Variants in PPP1R3F observed in about 807,000 individuals in gnomAD.
The protein encoded by PPP1R3F is protein phosphatase 1 regulatory subunit 3F.
PPP1R3F carries 29 observed loss-of-function variants against 24.2 expected under a neutral mutation model. The ratio of observed to expected loss-of-function variants is 1.20; its 90% CI spans 0.89 to 1.63. The LOEUF (loss-of-function observed/expected upper bound fraction) is 1.63. PPP1R3F is among the 40% of genes most tolerant of loss of function. PPP1R3F has a pLI of 0.00. For missense variants in PPP1R3F, 823 were observed against 729.3 expected (o/e 1.13, Z -1.48); for synonymous variants, 363 against 340.1 (o/e 1.07, Z -0.74).
At chrX:49,292,565 C>A (rs2066311955), downstream of PPP1R3F, among the ~76,000 whole-genome samples, 1 of 112,791 alleles carries the variant, frequency 8.9e-6, no homozygotes, top group Admixed American at 9.3e-5. Context: ...CCAGCCAGAT[C>A]CTGGCCAGCT....
At position 49,285,819 on chromosome X, in the gene PPP1R3F, C is replaced by G. The variant is rs781989667; in HGVS notation, c.1144-15C>G. The G allele has an allele frequency of 8.9e-7, 1 of 1,127,363 alleles. No homozygotes were observed. The allele number at this position is 1,127,363 out of a possible 1,213,427, so 92.9% of individuals were successfully genotyped here. ...TTGCTTTTTCTCTGCCCCCTTGCCC[C>G]GGCCATGGCTCCAGGTTTCTGACGT... On this transcript the variant is annotated splice_polypyrimidine_tract_variant and intron_variant, in intron 3 of 3. Transcript: ENST00000055335.
rs782395059 is a variant in PPP1R3F at position 49,286,969 on chromosome X, G to A, written c.2279G>A (p.Arg760Gln). 22 of 1,209,614 alleles carry A rather than the reference G, an allele frequency of 1.8e-5. No individual in the cohort carries two copies. Among genetic ancestry groups the A allele is most frequent in the Admixed American group, 1.1e-4 (5 of 45,735 alleles). ...GTGTGTGCACTGCCTCCTCAGCTCC[G>A]GGGGCCCTTGACCCAGACTCTGGGG... is the stretch of plus-strand genomic sequence containing the variant. ...ECVCALPPQLRGPLTQTLGVL... is the reference protein window; with the variant it reads ...ECVCALPPQLQGPLTQTLGVL... Residue 760 changes from arginine (R) to glutamine (Q), a missense_variant, in exon 4 of 4, where the codon CGG becomes CAG. Transcript: ENST00000055335.
chrX:49,294,230 T>TCCTCACCC (rs1230672286), intron 3 of PPP1R3F, among the ~76,000 whole-genome samples: 1 of 108,543 alleles, frequency 9.2e-6, no homozygotes, highest in Non-Finnish European at 1.9e-5. Flanking sequence ...TCACTCCCTC[T>TCCTCACCC]CCTCACCCCC....
At chrX:49,300,274 G>A (rs2066333693) in intron 3 of PPP1R3F, among the ~76,000 whole-genome samples, 1 of 109,814 alleles carries the variant, frequency 9.1e-6, no homozygotes, top group South Asian at 3.9e-4. Flanking sequence ...GGAGTTCCCC[G>A]ACCCCTACTG....
At chrX:49,295,575 G>A (rs1557122765) in intron 3 of PPP1R3F, among the ~76,000 whole-genome samples, 1 of 110,228 alleles carries the variant, frequency 9.1e-6, no homozygotes, top group South Asian at 3.8e-4. Flanking sequence ...TTTCATCTAT[G>A]TTCATGAAGG....
At chrX:49,280,283 C>G (rs781977919) in intron 1 of PPP1R3F, among the ~76,000 whole-genome samples, 1 of 111,653 alleles carries the variant, frequency 9.0e-6, no homozygotes, top group East Asian at 2.8e-4. Flanking sequence ...ATCTCTCACT[C>G]TGTCGCCCAG....
intron 3 of PPP1R3F, among the ~76,000 whole-genome samples, chrX:49,285,299 G>T (rs2066274561): frequency 9.1e-6 from 1 of 110,419 alleles, no homozygotes; most frequent in African/African-American, 3.3e-5. Context: ...TGCCCTCTGG[G>T]TTCAAGTGAT....
At position 49,270,390 on chromosome X, in the gene PPP1R3F, C is replaced by T. The variant is rs782476662; in HGVS notation, c.521C>T (p.Ser174Phe). The T allele has an allele frequency of 3.6e-5, 42 of 1,165,339 alleles. No homozygotes were observed. Among genetic ancestry groups the T allele is most frequent in the Middle Eastern group, 2.6e-4 (1 of 3,832 alleles). The stretch of plus-strand genomic sequence containing the variant: ...GGGTTGGTACGCGTGCTGAACCGCT[C>T]CTTCGAGAAGGCGGTGCACGTGCGG... ...LRGLVRVLNR[S>F]FEKAVHVRAS... Residue 174 changes from serine (S) to phenylalanine (F), a missense_variant, in exon 1 of 4, where the codon TCC becomes TTC. Transcript: ENST00000055335.
intron 3 of PPP1R3F, among the ~76,000 whole-genome samples, chrX:49,299,945 G>C (rs782336610): frequency 7.1e-5 from 8 of 112,146 alleles, no homozygotes; most frequent in African/African-American, 2.6e-4. Flanking sequence ...AGTTTGCTGG[G>C]CTCCGTGGTG....
In PPP1R3F at chrX:49,282,929, G is replaced by A. The variant is rs180741218; in HGVS notation, c.1143+866G>A. 1.0e-4 allele frequency among the ~76,000 whole-genome samples: 11 copies of A among 109,010 alleles called. No individual in the cohort carries two copies. The East Asian group carries it at 3.2e-3, about 32-fold the overall frequency. 94.7% of individuals were successfully genotyped at this position (109,010 alleles called of 115,157 possible). On this transcript the variant is annotated intron_variant, in intron 3 of 3. Transcript: ENST00000055335. Reference sequence around the variant, plus strand: ...CGTCAGAGTAAGGGTGGAAACAGGCGACTCGTGAAGGGGAGGCCACTGCAG... The same window carrying A: ...CGTCAGAGTAAGGGTGGAAACAGGCAACTCGTGAAGGGGAGGCCACTGCAG...
intron 3 of PPP1R3F, among the ~76,000 whole-genome samples, chrX:49,297,828 C>CTTTTTTT (rs61353822): frequency 8.2e-4 from 16 of 19,618 alleles, no homozygotes; most frequent in Admixed American, 1.0e-3. Context: ...GCAACCCCTG[C>CTTTTTTT]TTTTTTTTTT....
intron 1 of PPP1R3F, among the ~76,000 whole-genome samples, chrX:49,278,016 A>G (rs1193378036): frequency 4.5e-5 from 5 of 112,159 alleles, no homozygotes; most frequent in Admixed American, 9.4e-5. Flanking sequence ...GATTGGCTCA[A>G]TGGCGTGACC....
rs2066169181 is a variant in PPP1R3F at position 49,270,512 on chromosome X, G to T, written c.643G>T (p.Asp215Tyr). Residue 215 changes from aspartate to tyrosine, a missense_variant, in exon 1 of 4, where the codon GAT becomes TAT. Physicochemically the swap from Asp to Tyr is radical, Grantham distance 160. Coordinates refer to ENST00000055335, the MANE Select transcript of PPP1R3F (RefSeq NM_033215.5). ...WAGAGGTGAGDPILDPGLGLG... is the reference protein window; with the variant it reads ...WAGAGGTGAGYPILDPGLGLG... Reference sequence around the variant, plus strand: ...AGGAGCGGGAGGAACAGGAGCAGGAGATCCCATCCTGGATCCGGGGCTCGG... The same window carrying T: ...AGGAGCGGGAGGAACAGGAGCAGGATATCCCATCCTGGATCCGGGGCTCGG... 1.7e-6 allele frequency: 2 copies of T among 1,205,131 alleles called. No homozygotes were observed. The highest frequency in any genetic ancestry group is 2.2e-6 in the Non-Finnish European group (2 of 894,772).
intron 3 of PPP1R3F, chrX:49,301,248 C>T: frequency 2.6e-6 from 1 of 380,400 alleles, no homozygotes; most frequent in South Asian, 2.7e-5. Flanking sequence ...GTTTTTTTGT[C>T]TATTTAATAA....
chrX:49,270,485 G>T lies in PPP1R3F; in HGVS notation c.616G>T (p.Ala206Ser), dbSNP rs373150625. The T allele has an allele frequency of 5.8e-6, 7 of 1,204,173 alleles. No individual in the cohort carries two copies. The highest frequency in any genetic ancestry group is 2.2e-5 in the Admixed American group (1 of 46,028). ...ARYVPRSPPWAGAGGTGAGDP... is the reference protein window; with the variant it reads ...ARYVPRSPPWSGAGGTGAGDP... ...CTACGTCCCGCGCAGCCCGCCGTGG[G>T]CAGGAGCGGGAGGAACAGGAGCAGG... Residue 206 changes from alanine to serine, a missense_variant, in exon 1 of 4, where the codon GCA (alanine) becomes TCA (serine). Ala to Ser is a moderately conservative substitution (Grantham distance 99). Coordinates refer to ENST00000055335, the MANE Select transcript of PPP1R3F (RefSeq NM_033215.5).
Position 49,270,586 on chromosome X carries a change from C to T in PPP1R3F, c.717C>T (p.Arg239=). Residue 239 remains arginine, a synonymous_variant, in exon 1 of 4, where the codon CGC becomes CGT. Transcript: ENST00000055335. ...CCTCCTCGCCCGACGACGGCGGCCG[C>T]ACCGACCGCTTTGCCTTCCAGCTGC... ...ASASSPDDGG[R]TDRFAFQLPF... is the part of the protein sequence containing the mutation. 1 of 1,203,466 alleles carries T rather than the reference C, an allele frequency of 8.3e-7. No homozygotes were observed. Among genetic ancestry groups the T allele is most frequent in the Non-Finnish European group, 1.1e-6 (1 of 894,094 alleles).
At chrX:49,292,739 C>T (rs782716293), downstream of PPP1R3F, among the ~76,000 whole-genome samples, 25 of 112,407 alleles carry the variant, frequency 2.2e-4, no homozygotes, top group Non-Finnish European at 4.1e-4. Flanking sequence ...TGGGGTGAGG[C>T]ACGCCCCACC....
downstream of PPP1R3F, chrX:49,288,116 C>T (rs900633529): frequency 8.9e-6 from 1 of 112,379 alleles, no homozygotes; most frequent in African/African-American, 3.2e-5. Context: ...TTATTTACTT[C>T]CCTTTACAGC....
intron 1 of PPP1R3F, 152 bp from the exon 2 acceptor site, chrX:49,281,254 A>C: frequency 2.8e-6 from 1 of 360,653 alleles, no homozygotes; most frequent in South Asian, 8.3e-5. Context: ...TAGGACTTTT[A>C]GGATGAGGGG....
Sources: allele counts gnomAD v4.1 joint callset (sites outside exome capture counted in the v4.1 genomes callset), GRCh38; gene constraint gnomAD v4.1.1; transcripts MANE v1.5; gene names NCBI Gene and HGNC (gene_info 2026-07-23, HGNC 2026-07-21).